PFKP: variants seen among roughly 807,000 people sequenced by gnomAD.
PFKP encodes phosphofructokinase, platelet.
A neutral mutation model predicts 94.3 loss-of-function variants in PFKP; 101 were observed. That is an observed-to-expected ratio of 1.07 (90% confidence interval 0.91 to 1.26). The LOEUF is 1.26. Ranked by LOEUF, PFKP falls within the 50% of genes most tolerant of loss-of-function variation. The probability of loss-of-function intolerance (pLI) is 0.00; values close to 1 mark genes in which losing one functional copy is unlikely to be tolerated. For missense variants in PFKP, 1,145 were observed against 1,103.3 expected (o/e 1.04, Z -0.53); for synonymous variants, 573 against 432.6 (o/e 1.32, Z -4.03).
intron 14 of PFKP, among the ~76,000 whole-genome samples, chr10:3,117,325 C>T (rs1836934636): frequency 6.6e-6 from 1 of 152,158 alleles, no homozygotes; most frequent in Non-Finnish European, 1.5e-5. Flanking sequence ...TTTTTCAGAC[C>T]TACAGTAAGC....
intron 16 of PFKP, 68 bp from the exon 17 acceptor site, chr10:3,129,748 TGGG>T: frequency 1.3e-6 from 2 of 1,518,228 alleles, no homozygotes; most frequent in South Asian, 1.1e-5. Context: ...CACTCACTCT[TGGG>T]GGAGCTCTGG....
At chr10:3,128,755 C>T (rs1276957174) in intron 16 of PFKP, among the ~76,000 whole-genome samples, 5 of 152,344 alleles carry the variant, frequency 3.3e-5, no homozygotes, top group African/African-American at 7.2e-5. Context: ...CTAGGATTCA[C>T]CTTTATCACC....
rs558495404 is a variant in PFKP at position 3,135,670 on chromosome 10, T to G, written c.2123-66T>G. ...GAATCTCAGTTCTCATCTCGCCCCG[T>G]GATTCTGCTCCCCCACCTGCCCATG... On this transcript the variant is annotated intron_variant, in intron 20 of 21. Transcript: ENST00000381125. The G allele has an allele frequency of 1.6e-5, 16 of 975,708 alleles. No individual in the cohort carries two copies. In the African/African-American group the frequency reaches 2.6e-4, roughly 16 times the overall value. The allele number at this position is 975,708 out of a possible 1,614,324, so 60.4% of individuals were successfully genotyped here.
chr10:3,127,246 A>G (rs1564348208), intron 16 of PFKP, among the ~76,000 whole-genome samples: 1 of 152,256 alleles, frequency 6.6e-6, no homozygotes, highest in Non-Finnish European at 1.5e-5. Flanking sequence ...CTGCGTTTAC[A>G]CTGAGACGAG....
In PFKP at chr10:3,103,925, A is replaced by T. The variant is rs1222629036; in HGVS notation, c.601A>T (p.Ile201Phe). The T allele has an allele frequency of 1.2e-6, 2 of 1,613,686 alleles. No homozygotes were observed. Reference protein sequence around the residue: ...LHRIIEVVDAIMTTAQSHQRT... With the variant: ...LHRIIEVVDAFMTTAQSHQRT... ...CAGGATCATCGAGGTCGTCGACGCC[A>T]TCATGACCACGGCCCAGAGGTAAAG... The change falls in exon 5 of 22, where the codon ATC (isoleucine) becomes TTC (phenylalanine). Residue 201 changes from isoleucine to phenylalanine, a missense_variant. By Grantham distance (21) the Ile-to-Phe change is conservative. Around this residue, in one of 3 missense-constraint regions of PFKP, gnomAD observed 1,119 missense variants for 1,062.8 expected, o/e 1.05. Coordinates refer to ENST00000381125, the MANE Select transcript of PFKP (RefSeq NM_002627.5).
chr10:3,092,116 C>T lies in PFKP; in HGVS notation c.187-7159C>T, dbSNP rs1834089831. ...CCCCGCCACCGGCCCCCAAGCTTAG[C>T]TCAGGTGCCCGAGGGTCTCCATCTC... On this transcript the variant is annotated intron_variant, in intron 2 of 21. Transcript: ENST00000381125. 2.6e-5 allele frequency among the ~76,000 whole-genome samples: 4 copies of T among 151,668 alleles called. No individual in the cohort carries two copies. In the South Asian group the frequency reaches 8.3e-4, roughly 31 times the overall value.
intron 2 of PFKP, among the ~76,000 whole-genome samples, chr10:3,084,854 C>CCCAACACGGTCCCCCACTCCACTCT (rs1833389878): frequency 3.8e-5 from 4 of 106,646 alleles, no homozygotes; most frequent in African/African-American, 1.4e-4. Context: ...CCACCCCCTC[C>CCCAACACGGTCCCCCACTCCACTCT]CCAGCACGGT....
chr10:3,095,927 G>T, intron 2 of PFKP, among the ~76,000 whole-genome samples: 1 of 150,572 alleles, frequency 6.6e-6, no homozygotes, highest in East Asian at 2.0e-4. Flanking sequence ...AGCATTGGAG[G>T]TGGCACTCAG....
At chr10:3,091,244 A>C (rs1397126119) in intron 2 of PFKP, among the ~76,000 whole-genome samples, 3 of 152,130 alleles carry the variant, frequency 2.0e-5, no homozygotes, top group Admixed American at 6.5e-5. Flanking sequence ...TTTCCTTAGA[A>C]GCCTACAAAT....
At chr10:3,081,296 G>C (rs751923280) in intron 1 of PFKP, among the ~76,000 whole-genome samples, 1 of 152,222 alleles carries the variant, frequency 6.6e-6, no homozygotes, top group African/African-American at 2.4e-5. Flanking sequence ...GCCGGTCACC[G>C]TCCAAGTGCA....
intron 19 of PFKP, among the ~76,000 whole-genome samples, 161 bp downstream of exon 19, chr10:3,133,475 G>C (rs1838848739): frequency 6.6e-6 from 1 of 152,194 alleles, no homozygotes; most frequent in Non-Finnish European, 1.5e-5. Flanking sequence ...CTGTTGCCCA[G>C]GCTGGAGTGC....
chr10:3,070,334 G>A (rs1018717614), intron 1 of PFKP: 2 of 152,218 alleles, frequency 1.3e-5, no homozygotes, highest in African/African-American at 2.4e-5. Context: ...GTTATTCCTC[G>A]AGAATATCTC....
intron 4 of PFKP, among the ~76,000 whole-genome samples, chr10:3,101,973 C>T (rs1048201179): frequency 2.2e-4 from 33 of 152,190 alleles, no homozygotes; most frequent in Admixed American, 7.2e-4. Flanking sequence ...GAAGTTGGGC[C>T]GGGCGCGGTG....
At chr10:3,098,913 T>C (rs1267066800) in intron 2 of PFKP, among the ~76,000 whole-genome samples, 3 of 152,178 alleles carry the variant, frequency 2.0e-5, no homozygotes, top group Non-Finnish European at 4.4e-5. Context: ...CAGTGCTGTG[T>C]GCCTGTGAGT....
chr10:3,087,263 G>A (rs547219793), intron 2 of PFKP, among the ~76,000 whole-genome samples: 79 of 152,274 alleles, frequency 5.2e-4, no homozygotes, highest in Non-Finnish European at 9.3e-4. Flanking sequence ...CTGGCTCAGA[G>A]GCCCTGGGCT....
chr10:3,110,549 G>A (rs10795006), intron 10 of PFKP, among the ~76,000 whole-genome samples: 152,233 of 152,240 alleles, frequency 1, 76,113 homozygotes, highest in Non-Finnish European at 1. Context: ...TTCATGATTC[G>A]TGACTCCTGT....
At chr10:3,112,974 C>A in intron 11 of PFKP, 145 bp from the exon 12 acceptor site, 1 of 720,846 alleles carries the variant, frequency 1.4e-6, no homozygotes, top group Non-Finnish European at 2.3e-6. Context: ...CTGCCATGCA[C>A]ATGGAACCCT....
chr10:3,086,973 A>ATGTT (rs890399745), intron 2 of PFKP, among the ~76,000 whole-genome samples: 2 of 142,582 alleles, frequency 1.4e-5, no homozygotes, highest in African/African-American at 5.3e-5. Flanking sequence ...GCTTTCTCTG[A>ATGTT]TGTTTGTTTG....
chr10:3,129,534 T>A, intron 16 of PFKP: 1 of 422,532 alleles, frequency 2.4e-6, no homozygotes, highest in Non-Finnish European at 4.3e-6. Flanking sequence ...TTCCGTCCCC[T>A]TCTATGGGGC....
Sources: gnomAD v4.1 joint callset for allele counts (sites outside exome capture counted in the v4.1 genomes callset) on GRCh38, gnomAD v4.1.1 for gene constraint, gnomAD v4.1.1 regional missense constraint, MANE v1.5 for transcripts, NCBI Gene and HGNC (gene_info 2026-07-23, HGNC 2026-07-21) for gene names.